Variants in GIGYF2 observed in about 807,000 individuals in gnomAD.
The protein encoded by GIGYF2 is GRB10-interacting GYF protein 2.
A neutral mutation model predicts 208.1 loss-of-function variants in GIGYF2; 25 were observed. That is an observed-to-expected ratio of 0.12 (90% CI 0.09 to 0.17). The LOEUF is 0.17. GIGYF2 is among the 10% of genes least tolerant of loss of function. The pLI is 1.00. For synonymous variants in GIGYF2, 534 were observed against 543.8 expected (o/e 0.98, Z 0.25); for missense variants, 1,302 against 1,579.4 (o/e 0.82, Z 2.98).
intron 8 of GIGYF2, among the ~76,000 whole-genome samples, chr2:232,783,749 C>T (rs1450864892): frequency 3.3e-5 from 5 of 152,022 alleles, no homozygotes; most frequent in Non-Finnish European, 5.9e-5. Flanking sequence ...TGCAATGGTG[C>T]GATCTTGGCT....
chr2:232,727,048 T>A (rs1359991518), intron 2 of GIGYF2, among the ~76,000 whole-genome samples: 2 of 152,212 alleles, frequency 1.3e-5, no homozygotes, highest in Non-Finnish European at 2.9e-5. Flanking sequence ...CACTGTAGCC[T>A]CTGCCTCCAG....
At chr2:232,722,477 G>A (rs1696991294) in intron 2 of GIGYF2, 1 of 152,178 alleles carries the variant, frequency 6.6e-6, no homozygotes, top group Admixed American at 6.5e-5. Flanking sequence ...GGTTTACAGG[G>A]ATTACAATTC....
chr2:232,712,918 T>A (rs916648468), intron 2 of GIGYF2, among the ~76,000 whole-genome samples: 2 of 152,202 alleles, frequency 1.3e-5, no homozygotes, highest in African/African-American at 4.8e-5. Context: ...AGTTTGTTTA[T>A]AAGTTAGGAT....
At chr2:232,831,875 C>T (rs570327136) in intron 21 of GIGYF2, among the ~76,000 whole-genome samples, 32 of 152,304 alleles carry the variant, frequency 2.1e-4, no homozygotes, top group Non-Finnish European at 2.5e-4. Flanking sequence ...AGAGGTCTCC[C>T]AGTAGACATC....
chr2:232,813,827 C>CA (rs1338884600), intron 18 of GIGYF2, among the ~76,000 whole-genome samples: 1 of 151,258 alleles, frequency 6.6e-6, no homozygotes, highest in Non-Finnish European at 1.5e-5. Context: ...GTCCACAATC[C>CA]AAAATGGTTC....
chr2:232,710,370 A>G (rs1037878280), intron 2 of GIGYF2, among the ~76,000 whole-genome samples: 10 of 152,182 alleles, frequency 6.6e-5, no homozygotes, highest in Non-Finnish European at 1.2e-4. Context: ...GATTACAGGT[A>G]TCAGCTACCA....
At chr2:232,707,183 G>A (rs1559372270) in intron 2 of GIGYF2, among the ~76,000 whole-genome samples, 1 of 152,234 alleles carries the variant, frequency 6.6e-6, no homozygotes, top group Non-Finnish European at 1.5e-5. Flanking sequence ...AAAGCAATAC[G>A]TTTTCTTCCT....
chr2:232,795,533 G>A lies in GIGYF2; in HGVS notation c.1480-529G>A, dbSNP rs77274312. Among the ~76,000 whole-genome samples the A allele has an allele frequency of 1.8e-3, 271 of 152,228 alleles. 1 individual carries two copies. Among genetic ancestry groups the A allele is most frequent in the African/African-American group, 6.2e-3 (258 of 41,542 alleles). Reference sequence around the variant, plus strand: ...TATAATTGTATTAATTGAGCCTTTTGTTCTATTAACATTCTTTTTACAGGT... The same window carrying A: ...TATAATTGTATTAATTGAGCCTTTTATTCTATTAACATTCTTTTTACAGGT... On this transcript the variant is annotated intron_variant, in intron 13 of 28. Transcript: ENST00000373563.
rs534434404 is a variant in GIGYF2 at position 232,761,190 on chromosome 2, C to G, written c.492-206C>G. 7.2e-5 allele frequency among the ~76,000 whole-genome samples: 11 copies of G among 152,108 alleles called. No individual in the cohort carries two copies. The South Asian group carries it at 2.3e-3, about 32-fold the overall frequency. On this transcript the variant is annotated intron_variant, in intron 7 of 28. Coordinates refer to ENST00000373563, the MANE Select transcript of GIGYF2 (RefSeq NM_001103146.3). ...AAATAATATTTTGGGTCAATAGAAA[C>G]AGCTTTTGGTAGGTGAGGGGATGGA...
chr2:232,718,045 G>A (rs548343187), intron 2 of GIGYF2, among the ~76,000 whole-genome samples: 1 of 152,138 alleles, frequency 6.6e-6, no homozygotes, highest in South Asian at 2.1e-4. Context: ...TGATATCTGG[G>A]TGATTTCGCA....
intron 21 of GIGYF2, among the ~76,000 whole-genome samples, chr2:232,822,665 A>C (rs1008645242): frequency 1.3e-5 from 2 of 151,890 alleles, no homozygotes; most frequent in African/African-American, 4.8e-5. Flanking sequence ...GCGACAGGGC[A>C]AGACTCTGTC....
chr2:232,801,851 G>A (rs1346461762), intron 14 of GIGYF2, among the ~76,000 whole-genome samples: 1 of 152,210 alleles, frequency 6.6e-6, no homozygotes. Context: ...TCTTTAATCT[G>A]TAGGTTGCTT....
chr2:232,703,490 G>A lies in GIGYF2; in HGVS notation c.-44+1G>A, dbSNP rs1695947494. 1 of 152,638 alleles carries A rather than the reference G, an allele frequency of 6.6e-6. No homozygotes were observed. The highest frequency in any genetic ancestry group is 2.4e-5 in the African/African-American group (1 of 41,460). 9.5% of individuals were successfully genotyped at this position (152,638 alleles called of 1,614,324 possible). A position where few individuals can be genotyped will look rare whatever the true frequency, so the allele number is the denominator to read the frequency against. The stretch of plus-strand genomic sequence containing the variant: ...GTGAACCAGCAGAATTTTTGAACAG[G>A]TAAGTGTGGAAGGGAAGCACAAAGC... On this transcript the variant is annotated splice_donor_variant, in intron 2 of 28. Transcript: ENST00000373563. LOFTEE classifies it low-confidence loss of function (5UTR_SPLICE).
rs748902194 is a variant in GIGYF2, at chr2:232,768,313, T to C, written c.532+6877T>C. The C allele has an allele frequency of 9.9e-6, 16 of 1,614,056 alleles. No homozygotes were observed. The African/African-American group carries it at 2.0e-4, about 20-fold the overall frequency. ...AGAGGAGTTGGAAATTCAGGGACAG[T>C]CTTGTCAAAATTCTCCATCTTGATT... is the stretch of plus-strand genomic sequence containing the variant. On this transcript the variant is annotated intron_variant, in intron 8 of 28. Transcript: ENST00000373563.
At chr2:232,722,976 T>C (rs1386001697) in intron 2 of GIGYF2, among the ~76,000 whole-genome samples, 1 of 152,138 alleles carries the variant, frequency 6.6e-6, no homozygotes, top group Admixed American at 6.5e-5. Flanking sequence ...GTTTGTTTAT[T>C]TTAAAATTAT....
At chr2:232,764,720 G>C (rs1307794134) in intron 8 of GIGYF2, 1 of 152,210 alleles carries the variant, frequency 6.6e-6, no homozygotes, top group African/African-American at 2.4e-5. Flanking sequence ...CTAATTATTA[G>C]AATTGTCTGA....
chr2:232,841,765 T>TG (rs1384026639), intron 23 of GIGYF2, among the ~76,000 whole-genome samples: 1 of 152,176 alleles, frequency 6.6e-6, no homozygotes, highest in Non-Finnish European at 1.5e-5. Context: ...GCATCCTTTC[T>TG]GGGGGCCTCT....
intron 2 of GIGYF2, among the ~76,000 whole-genome samples, chr2:232,712,805 A>AT (rs1299656576): frequency 1.3e-5 from 2 of 152,188 alleles, no homozygotes; most frequent in South Asian, 2.1e-4. Flanking sequence ...TGTTACATTG[A>AT]TTTTTTAAAA....
chr2:232,815,561 T>A, intron 18 of GIGYF2, 76 bp from the exon 19 acceptor site: 1 of 861,412 alleles, frequency 1.2e-6, no homozygotes, highest in South Asian at 1.4e-5. Context: ...AAGCAGCTTT[T>A]TTCATGATTC....
Sources: gnomAD v4.1 joint callset for allele counts (sites outside exome capture counted in the v4.1 genomes callset) on GRCh38, gnomAD v4.1.1 for gene constraint, MANE v1.5 for transcripts, NCBI Gene and HGNC (gene_info 2026-07-23, HGNC 2026-07-21) for gene names.